The following MEIG1 variants were observed in gnomAD, a reference collection of about 807,000 sequenced individuals.
MEIG1 encodes meiosis/spermiogenesis associated 1, also known as meiosis expressed gene 1 protein homolog.
A neutral mutation model predicts 11.3 loss-of-function variants in MEIG1; 12 were observed. That is an observed-to-expected ratio of 1.07 (90% confidence interval 0.68 to 1.73). The LOEUF is 1.73. MEIG1 is among the 40% of genes most tolerant of loss of function. The pLI, the probability that MEIG1 is intolerant of heterozygous loss-of-function variation, is 0.00. For synonymous variants in MEIG1, 41 were observed against 33.2 expected, an observed-to-expected ratio of 1.24 and a Z score of -0.81; for missense variants, 119 against 104.9, an observed-to-expected ratio of 1.13 and a Z score of -0.59.
chr10:14,986,262 AT>A (rs1160341115), intron 1 of MEIG1, among the ~76,000 whole-genome samples: 2 of 152,136 alleles, frequency 1.3e-5, no homozygotes, highest in Non-Finnish European at 2.9e-5. Context: ...GAGGCAGAGG[AT>A]CTGGTGAGCC....
chr10:14,968,886 C>G (rs139910408), intron 2 of MEIG1, among the ~76,000 whole-genome samples: 5,526 of 152,164 alleles, frequency 0.036, 174 homozygotes, highest in Middle Eastern at 0.078. Flanking sequence ...TGAGACCAGC[C>G]TGACCAATAT....
intron 2 of MEIG1, among the ~76,000 whole-genome samples, chr10:14,969,255 T>C (rs1843122745): frequency 6.6e-6 from 1 of 151,830 alleles, no homozygotes; most frequent in Non-Finnish European, 1.5e-5. Flanking sequence ...GAGACCAGTC[T>C]GGGTGACATA....
chr10:14,955,274 A>T (rs1021540492), upstream of MEIG1, among the ~76,000 whole-genome samples: 3 of 152,214 alleles, frequency 2.0e-5, no homozygotes, highest in Non-Finnish European at 4.4e-5. Context: ...CACTGTGACA[A>T]ACCTTCGGGT....
chr10:14,964,040 G>A (rs1277542188), intron 1 of MEIG1, among the ~76,000 whole-genome samples: 4 of 151,210 alleles, frequency 2.6e-5, no homozygotes, highest in Non-Finnish European at 5.9e-5. Context: ...GGAGCTTGCA[G>A]TGAGCCGAGA....
At chr10:14,983,924 G>A (rs1305592336) in intron 1 of MEIG1, among the ~76,000 whole-genome samples, 3 of 151,940 alleles carry the variant, frequency 2.0e-5, no homozygotes, top group Admixed American at 6.6e-5. Flanking sequence ...GGGTGGACAT[G>A]CCCCCAGTGA....
At chr10:14,983,895 T>C (rs1345210994) in intron 1 of MEIG1, among the ~76,000 whole-genome samples, 2 of 151,990 alleles carry the variant, frequency 1.3e-5, no homozygotes, top group Non-Finnish European at 2.9e-5. Flanking sequence ...GAGGATGATG[T>C]TACTTTCAAT....
chr10:14,959,235 G>C (rs566951755), upstream of MEIG1, among the ~76,000 whole-genome samples: 1 of 152,206 alleles, frequency 6.6e-6, no homozygotes, highest in Non-Finnish European at 1.5e-5. Context: ...CCCTGGCAGC[G>C]CTCCTACCTG....
intron 1 of MEIG1, among the ~76,000 whole-genome samples, chr10:14,962,867 C>T (rs1843031210): frequency 6.6e-6 from 1 of 151,750 alleles, no homozygotes; most frequent in Non-Finnish European, 1.5e-5. Context: ...CAGGTTCAAG[C>T]AGTTCTCTGC....
At chr10:14,986,193 C>T (rs1259554654) in intron 1 of MEIG1, among the ~76,000 whole-genome samples, 8 of 152,112 alleles carry the variant, frequency 5.3e-5, no homozygotes, top group South Asian at 2.1e-4. Flanking sequence ...GGCGTGCTGG[C>T]GCATGCCTGT....
At chr10:14,976,601 C>T (rs1312190069), downstream of MEIG1, among the ~76,000 whole-genome samples, 3 of 152,002 alleles carry the variant, frequency 2.0e-5, no homozygotes, top group African/African-American at 7.3e-5. Flanking sequence ...GTGATATTAT[C>T]GTCCTATTCT....
intron 1 of MEIG1, among the ~76,000 whole-genome samples, chr10:14,978,055 G>A (rs57428209): frequency 6.7e-6 from 1 of 149,352 alleles, no homozygotes; most frequent in East Asian, 1.9e-4. Flanking sequence ...TAAAGTCACA[G>A]GGGTGTACAC....
chr10:14,975,109 G>C (rs1429118687), downstream of MEIG1, among the ~76,000 whole-genome samples: 1 of 152,032 alleles, frequency 6.6e-6, no homozygotes, highest in Non-Finnish European at 1.5e-5. Flanking sequence ...ATAGCACTGG[G>C]TGCGCATCCA....
At chr10:14,961,765 C>T (rs1056504253) in intron 1 of MEIG1, among the ~76,000 whole-genome samples, 1 of 149,738 alleles carries the variant, frequency 6.7e-6, no homozygotes, top group African/African-American at 2.5e-5. Context: ...CAGGCGTGAG[C>T]CACCGCACAT....
In MEIG1 at chr10:14,972,481, G is replaced by A; in HGVS notation, c.139-32G>A. 6.2e-6 allele frequency: 10 copies of A among 1,613,162 alleles called. No individual in the cohort carries two copies. In the Middle Eastern group the frequency reaches 1.2e-3, roughly 186 times the overall value. ...ATGAGATAAAAATCAACCCTCCATT[G>A]TAACGTTTGTACTCTGGTTCTTGAT... On this transcript the variant is annotated intron_variant, in intron 2 of 2. Transcript: ENST00000407572.
At chr10:14,969,404 C>T (rs1399152923) in intron 2 of MEIG1, among the ~76,000 whole-genome samples, 1 of 148,208 alleles carries the variant, frequency 6.7e-6, no homozygotes, top group African/African-American at 2.5e-5. Context: ...CCTGTGATCA[C>T]ATCACTGCAC....
At chr10:14,975,478 A>G (rs1191162186), downstream of MEIG1, among the ~76,000 whole-genome samples, 1 of 152,032 alleles carries the variant, frequency 6.6e-6, no homozygotes, top group South Asian at 2.1e-4. Context: ...ATTACTCCCA[A>G]TATCACAGAA....
intron 1 of MEIG1, among the ~76,000 whole-genome samples, chr10:14,961,638 A>ATCTTTTTTTTTTTTTTT (rs1843013906): frequency 1.3e-5 from 1 of 76,594 alleles, no homozygotes; most frequent in Non-Finnish European, 2.6e-5. Context: ...CATCCGGCTA[A>ATCTTTTTTTTTTTTTTT]TTTTTTTTTT....
Position 14,972,572 on chromosome 10 carries a change from C to A in MEIG1, c.198C>A (p.Phe66Leu). 1.2e-6 allele frequency: 2 copies of A among 1,613,918 alleles called. No individual in the cohort carries two copies. Among genetic ancestry groups the A allele is most frequent in the South Asian group, 1.1e-5 (1 of 91,014 alleles). The change falls in exon 3 of 3, where the codon TTC (phenylalanine) becomes TTA (leucine). Residue 66 changes from phenylalanine (F) to leucine (L), a missense_variant. Transcript: ENST00000407572. ...AACTTCAGAGAAGGGACAATACGTT[C>A]TATTACTACAACAAACAGAGGGAAT... ...VKKLQRRDNT[F>L]YYYNKQRECD... is the part of the protein sequence containing the mutation.
At chr10:14,980,039 A>G (rs1390363083) in intron 1 of MEIG1, among the ~76,000 whole-genome samples, 2 of 151,614 alleles carry the variant, frequency 1.3e-5, no homozygotes, top group Non-Finnish European at 2.9e-5. Context: ...TAATGTCGCA[A>G]ATGTGTGCAC....
Sources: allele counts gnomAD v4.1 joint callset (sites outside exome capture counted in the v4.1 genomes callset), GRCh38; gene constraint gnomAD v4.1.1; transcripts MANE v1.5; gene names NCBI Gene and HGNC (gene_info 2026-07-23, HGNC 2026-07-21).